HDAC4: variants seen among roughly 807,000 people sequenced by gnomAD.
The protein encoded by HDAC4 is histone deacetylase A.
HDAC4 carries 16 observed loss-of-function variants against 135.1 expected under a neutral mutation model. The ratio of observed to expected loss-of-function variants is 0.12; its 90% CI spans 0.08 to 0.18. The LOEUF is 0.18. Ranked by LOEUF, HDAC4 falls within the 10% of genes least tolerant of loss-of-function variation. HDAC4 has a pLI of 1.00. For synonymous variants in HDAC4, 685 were observed against 653.4 expected, an observed-to-expected ratio of 1.05 and a Z score of -0.74; for missense variants, 1,143 against 1,511.8, an observed-to-expected ratio of 0.76 and a Z score of 4.05.
Position 239,087,354 on chromosome 2 carries a change from C to T in HDAC4, c.2444+205G>A, listed in dbSNP as rs979353535. Among the ~76,000 whole-genome samples, 7 of 152,328 alleles carry T rather than the reference C, an allele frequency of 4.6e-5. No homozygotes were observed. In the South Asian group the frequency reaches 8.3e-4, roughly 18 times the overall value. On this transcript the variant is annotated intron_variant, in intron 19 of 26. Transcript: ENST00000543185. ...CCCATCCTTTCCTCTGATCTGTCTC[C>T]GTCATAACCGAGCAGTGATGCTCGC...
intron 11 of HDAC4, among the ~76,000 whole-genome samples, chr2:239,132,965 C>G (rs3791465): frequency 6.6e-6 from 1 of 152,122 alleles, no homozygotes; most frequent in Non-Finnish European, 1.5e-5. Context: ...GAGAGATCCG[C>G]GTGCCTGCCA....
chr2:239,164,392 G>A lies in HDAC4; in HGVS notation c.491-469C>T, dbSNP rs138215468. Among the ~76,000 whole-genome samples the A allele has an allele frequency of 1.6e-4, 24 of 152,362 alleles. No individual in the cohort carries two copies. In the East Asian group the frequency reaches 2.7e-3, roughly 17 times the overall value. ...CTACACCTGCGCCGACATGACGGCC[G>A]GCTCTGCTTCCAACAGCATCAAAGG... On this transcript the variant is annotated intron_variant, in intron 5 of 26. Coordinates refer to ENST00000543185, the MANE Select transcript of HDAC4 (RefSeq NM_001378414.1).
intron 2 of HDAC4, among the ~76,000 whole-genome samples, chr2:239,249,368 G>C (rs2048650518): frequency 6.6e-6 from 1 of 152,206 alleles, no homozygotes; most frequent in African/African-American, 2.4e-5. Context: ...GAGAGATGGG[G>C]AAAGGGATCC....
At chr2:239,276,683 CCTGCTGCCTGGACACTACCCGCTGT>C (rs1448653457) in intron 2 of HDAC4, among the ~76,000 whole-genome samples, 1 of 152,142 alleles carries the variant, frequency 6.6e-6, no homozygotes, top group African/African-American at 2.4e-5. Context: ...CGGAACACTG[CCTGCTGCCTGGACACTACCCGCTGT>C]CTGCTGCCTG....
At chr2:239,149,757 C>A (rs539255321) in intron 7 of HDAC4, among the ~76,000 whole-genome samples, 4 of 152,210 alleles carry the variant, frequency 2.6e-5, no homozygotes, top group Non-Finnish European at 5.9e-5. Flanking sequence ...CCTTGACTGA[C>A]GGTGACGGCA....
intron 17 of HDAC4, 22 bp downstream of exon 17, chr2:239,094,966 CGAGAAGAAACAGGACATTATTT>C (rs1277498182): frequency 1.2e-6 from 2 of 1,613,164 alleles, no homozygotes; most frequent in Non-Finnish European, 1.7e-6. Flanking sequence ...CACTGGGACT[CGAGAAGAAACAGGACATTATTT>C]ACACATTAAA....
At chr2:239,187,740 T>C (rs1251745194) in intron 4 of HDAC4, among the ~76,000 whole-genome samples, 1 of 152,188 alleles carries the variant, frequency 6.6e-6, no homozygotes, top group Non-Finnish European at 1.5e-5. Context: ...AAGGGTATGG[T>C]GCTTGTGGAG....
intron 13 of HDAC4, 121 bp downstream of exon 13, chr2:239,114,932 A>G (rs1452918942): frequency 8.3e-7 from 1 of 1,199,926 alleles, no homozygotes; most frequent in African/African-American, 1.5e-5. Context: ...CAGGTGAGAC[A>G]CTGGACAGTG....
At position 239,285,580 on chromosome 2, in the gene HDAC4, T is replaced by A. The variant is rs940597742; in HGVS notation, c.23-48916A>T. On this transcript the variant is annotated intron_variant, in intron 2 of 26. Transcript: ENST00000543185. The surrounding 1 kb of genome is among the most constrained non-coding windows in gnomAD (Gnocchi z 4.5). ...AGAGAAAGCTGGCCAAAGGTTGGGC[T>A]TTTGAAGTACTAGAAACTTCCTCTT... Among the ~76,000 whole-genome samples, 1 of 152,168 alleles carries A rather than the reference T, an allele frequency of 6.6e-6. No individual in the cohort carries two copies. The highest frequency in any genetic ancestry group is 2.4e-5 in the African/African-American group (1 of 41,442).
intron 1 of HDAC4, among the ~76,000 whole-genome samples, chr2:239,354,562 ATTTTTTT>A (rs566361037): frequency 1.4e-4 from 11 of 76,534 alleles, no homozygotes; most frequent in Non-Finnish European, 2.3e-4. Flanking sequence ...TAGTCTAGAA[ATTTTTTT>A]TTTTTTTTTT....
chr2:239,267,684 C>T (rs966727919), intron 2 of HDAC4, among the ~76,000 whole-genome samples: 7 of 152,278 alleles, frequency 4.6e-5, no homozygotes, highest in Non-Finnish European at 5.9e-5. Context: ...AGGGGCCCTG[C>T]GCCCTTCTAC....
chr2:239,151,942 A>G (rs1224181737), intron 7 of HDAC4, among the ~76,000 whole-genome samples: 1 of 152,204 alleles, frequency 6.6e-6, no homozygotes, highest in African/African-American at 2.4e-5. Context: ...GCTCAGGCCC[A>G]AGAAGCTGCT....
Position 239,248,789 on chromosome 2 carries a change from A to G in HDAC4, c.23-12125T>C, listed in dbSNP as rs925638612. ...GACCATCCTGATCAAGGTTGGGACC[A>G]ACTTTCAAAAGCAAACTGACCCCCA... is the stretch of plus-strand genomic sequence containing the variant. On this transcript the variant is annotated intron_variant, in intron 2 of 26. Coordinates refer to ENST00000543185, the MANE Select transcript of HDAC4 (RefSeq NM_001378414.1). Among the ~76,000 whole-genome samples, 10 of 152,300 alleles carry G rather than the reference A, an allele frequency of 6.6e-5. No homozygotes were observed. In the South Asian group the frequency reaches 1.2e-3, roughly 19 times the overall value.
chr2:239,254,909 G>A (rs570937856), intron 2 of HDAC4, among the ~76,000 whole-genome samples: 2 of 152,226 alleles, frequency 1.3e-5, no homozygotes, highest in African/African-American at 4.8e-5. Flanking sequence ...AAAGTTAGAT[G>A]ATCTAAGAAC....
At chr2:239,388,597 C>T (rs566797277) in intron 1 of HDAC4, among the ~76,000 whole-genome samples, 1 of 152,314 alleles carries the variant, frequency 6.6e-6, no homozygotes, top group South Asian at 2.1e-4. Context: ...GGAAGGACCA[C>T]CCTCTGGGCC....
chr2:239,264,640 T>C (rs73100732), intron 2 of HDAC4, among the ~76,000 whole-genome samples: 6,249 of 152,254 alleles, frequency 0.041, 147 homozygotes, highest in East Asian at 0.079. Flanking sequence ...CTGCAGAGGT[T>C]GAGGAAGCTG....
chr2:239,284,903 G>C (rs2051047732), intron 2 of HDAC4, among the ~76,000 whole-genome samples: 1 of 152,186 alleles, frequency 6.6e-6, no homozygotes, highest in Admixed American at 6.5e-5. Flanking sequence ...TAAGTAATTA[G>C]GGTATATTTA....
At chr2:239,212,346 G>A (rs111874371) in intron 3 of HDAC4, among the ~76,000 whole-genome samples, 107 of 152,068 alleles carry the variant, frequency 7.0e-4, no homozygotes, top group African/African-American at 2.4e-3. Flanking sequence ...CACAGGCTAG[G>A]GCACTGACCC....
chr2:239,173,144 T>G (rs1332934120), intron 5 of HDAC4, among the ~76,000 whole-genome samples: 1 of 152,188 alleles, frequency 6.6e-6, no homozygotes, highest in Non-Finnish European at 1.5e-5. Flanking sequence ...GGAATGATGC[T>G]TAACTCATTC....
Sources: gnomAD v4.1 joint callset for allele counts (sites outside exome capture counted in the v4.1 genomes callset) on GRCh38, gnomAD v4.1.1 for gene constraint, Gnocchi (gnomAD v3.1) non-coding constraint, MANE v1.5 for transcripts, NCBI Gene and HGNC (gene_info 2026-07-23, HGNC 2026-07-21) for gene names.